The following RTN1 variants were observed in gnomAD, a reference collection of about 807,000 sequenced individuals.
The protein encoded by RTN1 is reticulon 1.
A neutral mutation model predicts 65.5 loss-of-function variants in RTN1; 25 were observed. The ratio of observed to expected loss-of-function variants is 0.38; its 90% CI spans 0.28 to 0.53. RTN1 has a LOEUF of 0.53. Among genes scored for constraint, RTN1 ranks in the 20% least tolerant of loss-of-function variants. RTN1 has a pLI of 0.79. For synonymous variants in RTN1, 471 were observed against 447.6 expected (o/e 1.05, Z -0.66); for missense variants, 983 against 1,025.4 (o/e 0.96, Z 0.57).
rs944701310 is a variant in RTN1, at chr14:59,816,792, G to C, written c.241+53598C>G. ...CTACAAAAAATACAATATTAGCTGG[G>C]TGTGGTGGCATGTGCCTGTGGTCCC... On this transcript the variant is annotated intron_variant, in intron 1 of 8. Coordinates refer to ENST00000267484, the MANE Select transcript of RTN1 (RefSeq NM_021136.3). The surrounding 1 kb of genome is among the most constrained non-coding windows in gnomAD (Gnocchi z 4.3). Among the ~76,000 whole-genome samples the C allele has an allele frequency of 6.6e-6, 1 of 152,116 alleles. No homozygotes were observed. Among genetic ancestry groups the C allele is most frequent in the Non-Finnish European group, 1.5e-5 (1 of 68,034 alleles).
At chr14:59,869,451 A>G (rs2139683995) in intron 1 of RTN1, among the ~76,000 whole-genome samples, 1 of 152,136 alleles carries the variant, frequency 6.6e-6, no homozygotes, top group Non-Finnish European at 1.5e-5. Flanking sequence ...CGGCAGCCTC[A>G]AAGCGCGCTT....
In RTN1 at chr14:59,805,662, A is replaced by G. The variant is rs538890997; in HGVS notation, c.242-59181T>C. Among the ~76,000 whole-genome samples the G allele has an allele frequency of 1.3e-3, 202 of 152,326 alleles. 6 individuals are homozygous for G. In the South Asian group the frequency reaches 0.04, roughly 30 times the overall value. On this transcript the variant is annotated intron_variant, in intron 1 of 8. Coordinates refer to ENST00000267484, the MANE Select transcript of RTN1 (RefSeq NM_021136.3). ...TTGTTCCACAGAAGTTTGACCTAAA[A>G]ATATTGTCAAAAAAGTTTCTTTCAT... is the stretch of plus-strand genomic sequence containing the variant.
intron 1 of RTN1, among the ~76,000 whole-genome samples, chr14:59,866,906 A>G (rs192503476): frequency 4.3e-4 from 65 of 152,344 alleles, no homozygotes; most frequent in African/African-American, 1.5e-3. Flanking sequence ...TTTTTCCAAT[A>G]CAGCATCACA....
At chr14:59,659,437 G>A (rs917914916) in intron 3 of RTN1, among the ~76,000 whole-genome samples, 4 of 152,018 alleles carry the variant, frequency 2.6e-5, no homozygotes, top group Non-Finnish European at 5.9e-5. Flanking sequence ...ACACATAATT[G>A]TCAGGTTCAT....
At chr14:59,755,311 A>G (rs112759449) in intron 1 of RTN1, among the ~76,000 whole-genome samples, 2,574 of 152,330 alleles carry the variant, frequency 0.017, 73 homozygotes, top group African/African-American at 0.059. Flanking sequence ...AATAGAGCCA[A>G]TATTAACAGG....
chr14:59,650,025 A>C (rs1882989203), intron 3 of RTN1, among the ~76,000 whole-genome samples: 3 of 152,346 alleles, frequency 2.0e-5, no homozygotes, highest in Admixed American at 6.5e-5. Flanking sequence ...GATAGGCTGG[A>C]TAAAGAAAAT....
intron 3 of RTN1, among the ~76,000 whole-genome samples, chr14:59,678,965 T>C (rs1221926697): frequency 6.6e-6 from 1 of 152,198 alleles, no homozygotes; most frequent in Non-Finnish European, 1.5e-5. Context: ...TGCAGGGTCT[T>C]AGTATCTAAC....
At chr14:59,770,105 T>G (rs905754492) in intron 1 of RTN1, among the ~76,000 whole-genome samples, 5 of 151,550 alleles carry the variant, frequency 3.3e-5, no homozygotes, top group African/African-American at 1.2e-4. Context: ...GGGCCAGGCG[T>G]GGTGGCTCAT....
At chr14:59,607,735 T>C (rs1377711215) in intron 3 of RTN1, 5 of 519,418 alleles carry the variant, frequency 9.6e-6, no homozygotes, top group Non-Finnish European at 1.4e-5. Context: ...GACTATTGAA[T>C]CTCCATTGAC....
intron 3 of RTN1, among the ~76,000 whole-genome samples, chr14:59,695,438 G>A (rs1360446075): frequency 6.6e-6 from 1 of 152,172 alleles, no homozygotes; most frequent in Non-Finnish European, 1.5e-5. Flanking sequence ...TGACTGTGTG[G>A]CTTAGCTAGG....
intron 1 of RTN1, among the ~76,000 whole-genome samples, chr14:59,778,245 G>A (rs914796800): frequency 6.6e-5 from 10 of 152,090 alleles, no homozygotes; most frequent in Non-Finnish European, 1.2e-4. Context: ...TTTTGTGATT[G>A]TTTTAATTTC....
At chr14:59,614,101 C>T (rs189681093) in intron 3 of RTN1, among the ~76,000 whole-genome samples, 131 of 152,158 alleles carry the variant, frequency 8.6e-4, no homozygotes, top group African/African-American at 2.9e-3. Flanking sequence ...GATGAGACTC[C>T]CAGGAGAGAT....
chr14:59,725,837 C>T (rs1884746103), intron 3 of RTN1, among the ~76,000 whole-genome samples: 1 of 152,208 alleles, frequency 6.6e-6, no homozygotes, highest in African/African-American at 2.4e-5. Flanking sequence ...ACTTTAACTG[C>T]CGCTAACATC....
At chr14:59,647,198 A>G (rs1366792966) in intron 3 of RTN1, among the ~76,000 whole-genome samples, 1 of 152,158 alleles carries the variant, frequency 6.6e-6, no homozygotes, top group Non-Finnish European at 1.5e-5. Flanking sequence ...AAAATCAAAA[A>G]AGACAAGAGC....
chr14:59,692,136 GA>G (rs1213567941), intron 3 of RTN1, among the ~76,000 whole-genome samples: 1 of 152,036 alleles, frequency 6.6e-6, no homozygotes, highest in Non-Finnish European at 1.5e-5. Flanking sequence ...AAAGGAAGTC[GA>G]ACTATCTCTC....
intron 1 of RTN1, among the ~76,000 whole-genome samples, chr14:59,787,184 G>A (rs1886263991): frequency 6.6e-6 from 1 of 152,102 alleles, no homozygotes; most frequent in Non-Finnish European, 1.5e-5. Context: ...ACTGGCCCAG[G>A]AAGCCCTCTG....
rs145292139 is a variant in RTN1, at chr14:59,698,764, G to A, written c.1765+28155C>T. Among the ~76,000 whole-genome samples the A allele has an allele frequency of 2.0e-3, 299 of 152,222 alleles. 3 individuals are homozygous for A. Among genetic ancestry groups the A allele is most frequent in the Non-Finnish European group, 1.2e-3 (83 of 67,998 alleles). On this transcript the variant is annotated intron_variant, in intron 3 of 8. Coordinates refer to ENST00000267484, the MANE Select transcript of RTN1 (RefSeq NM_021136.3). ...ATGTCTTTATCAGCAGCGCAAAAAT[G>A]GACTAATACCTAAGGCATTAAGAAT...
chr14:59,721,981 A>G (rs921159710), intron 3 of RTN1, among the ~76,000 whole-genome samples: 1 of 152,232 alleles, frequency 6.6e-6, no homozygotes, highest in Non-Finnish European at 1.5e-5. Flanking sequence ...CTTTTTCATT[A>G]CTATGAAAAA....
At chr14:59,837,643 A>T (rs1887236267) in intron 1 of RTN1, among the ~76,000 whole-genome samples, 1 of 152,116 alleles carries the variant, frequency 6.6e-6, no homozygotes, top group African/African-American at 2.4e-5. Context: ...AGTAAATGCA[A>T]ATAGCAATAA....
Sources: allele counts gnomAD v4.1 joint callset (sites outside exome capture counted in the v4.1 genomes callset), GRCh38; gene constraint gnomAD v4.1.1; non-coding constraint Gnocchi (gnomAD v3.1); transcripts MANE v1.5; gene names NCBI Gene and HGNC (gene_info 2026-07-23, HGNC 2026-07-21).